Variants in HIGD1C observed in about 807,000 individuals in gnomAD.
HIGD1C encodes HIG1 domain family member 1C.
A neutral mutation model predicts 13.1 loss-of-function variants in HIGD1C; 11 were observed. The observed-to-expected ratio is 0.84, with a 90% CI of 0.53 to 1.39. HIGD1C has a LOEUF of 1.39. Ranked by LOEUF, HIGD1C falls within the 40% of genes most tolerant of loss-of-function variation. HIGD1C has a pLI of 0.00. For synonymous variants in HIGD1C, 36 were observed against 37.7 expected (o/e 0.95, Z 0.17); for missense variants, 110 against 112.0 (o/e 0.98, Z 0.08).
At chr12:50,964,853 C>G (rs1283658916) in intron 2 of HIGD1C, among the ~76,000 whole-genome samples, 3 of 152,214 alleles carry the variant, frequency 2.0e-5, no homozygotes, top group Non-Finnish European at 4.4e-5. Context: ...AATAGGCAAA[C>G]TAAATGGGGA....
chr12:50,941,210 A>G, the HIGD1C span, among the ~76,000 whole-genome samples: 1 of 151,706 alleles, frequency 6.6e-6, no homozygotes, highest in African/African-American at 2.4e-5. Flanking sequence ...CTGGTCGCAA[A>G]CTCCTGGGCT....
chr12:50,947,512 C>G, the HIGD1C span, among the ~76,000 whole-genome samples: 1 of 152,116 alleles, frequency 6.6e-6, no homozygotes, highest in Non-Finnish European at 1.5e-5. Context: ...TACCTTCCAC[C>G]TTCTTGTAAA....
upstream of HIGD1C, among the ~76,000 whole-genome samples, chr12:50,953,641 G>A (rs1191015154): frequency 6.6e-6 from 1 of 152,212 alleles, no homozygotes; most frequent in African/African-American, 2.4e-5. Flanking sequence ...AAGAAAATGT[G>A]TTCTTCAAAT....
chr12:50,941,478 A>G, the HIGD1C span, among the ~76,000 whole-genome samples: 1 of 152,194 alleles, frequency 6.6e-6, no homozygotes, highest in East Asian at 1.9e-4. Flanking sequence ...GCCTAAAAAC[A>G]TGAGAATTAG....
the HIGD1C span, among the ~76,000 whole-genome samples, chr12:50,944,829 A>G: frequency 1.3e-5 from 2 of 152,078 alleles, no homozygotes; most frequent in Admixed American, 1.3e-4. Context: ...AGAGGTTGCA[A>G]TGAGTCGAGA....
chr12:50,951,646 C>T (rs966566795), upstream of HIGD1C, among the ~76,000 whole-genome samples: 1 of 152,034 alleles, frequency 6.6e-6, no homozygotes, highest in Non-Finnish European at 1.5e-5. Flanking sequence ...CGGCTGGGCG[C>T]GGTGGCTCAC....
At chr12:50,958,998 C>T (rs1036465158) in intron 1 of HIGD1C, among the ~76,000 whole-genome samples, 13 of 151,956 alleles carry the variant, frequency 8.6e-5, no homozygotes, top group African/African-American at 3.1e-4. Context: ...GCCTGGGTGA[C>T]AGAGCAAGAC....
upstream of HIGD1C, among the ~76,000 whole-genome samples, chr12:50,952,059 ATTTTTTTTT>A (rs141699945): frequency 7.3e-6 from 1 of 136,726 alleles, no homozygotes; most frequent in Admixed American, 7.5e-5. Context: ...TAGACCAGAA[ATTTTTTTTT>A]TTTTTTTTTT....
At chr12:50,933,014 C>T in the HIGD1C span, among the ~76,000 whole-genome samples, 1 of 152,202 alleles carries the variant, frequency 6.6e-6, no homozygotes, top group Non-Finnish European at 1.5e-5. Context: ...TGTCATTACA[C>T]TGAAAGATAA....
chr12:50,955,643 A>T (rs319938), intron 1 of HIGD1C, among the ~76,000 whole-genome samples: 1 of 152,156 alleles, frequency 6.6e-6, no homozygotes, highest in African/African-American at 2.4e-5. Flanking sequence ...CATTATTCAC[A>T]TATCAAGAAA....
At chr12:50,965,303 T>G (rs1308088647) in intron 2 of HIGD1C, among the ~76,000 whole-genome samples, 5 of 150,606 alleles carry the variant, frequency 3.3e-5, no homozygotes, top group African/African-American at 1.2e-4. Context: ...TTTTTTTTTT[T>G]GTAGAGGTGA....
the HIGD1C span, among the ~76,000 whole-genome samples, chr12:50,939,291 G>A: frequency 1.3e-5 from 2 of 152,110 alleles, no homozygotes; most frequent in Admixed American, 6.5e-5. Context: ...GGAATTACAG[G>A]CATCTGCCAC....
chr12:50,934,875 G>A, the HIGD1C span: 1 of 151,824 alleles, frequency 6.6e-6, no homozygotes, highest in Admixed American at 6.6e-5. Context: ...CTGGGACAAT[G>A]AGCCAAATGC....
chr12:50,944,226 C>G, the HIGD1C span, among the ~76,000 whole-genome samples: 1 of 152,178 alleles, frequency 6.6e-6, no homozygotes, highest in African/African-American at 2.4e-5. Flanking sequence ...CTTGATTCCT[C>G]TCTCCCAGGT....
chr12:50,937,618 G>A, the HIGD1C span, among the ~76,000 whole-genome samples: 15 of 152,236 alleles, frequency 9.9e-5, no homozygotes, highest in African/African-American at 2.6e-4. Flanking sequence ...CGGGTCCCTC[G>A]GTGGGTCCCA....
downstream of HIGD1C, chr12:50,970,517 C>G: frequency 6.7e-7 from 1 of 1,493,964 alleles, no homozygotes; most frequent in South Asian, 1.2e-5. Context: ...AGCTTACATG[C>G]TGGAAGCAAG....
chr12:50,959,947 G>GC (rs1301546687), intron 1 of HIGD1C, among the ~76,000 whole-genome samples: 1 of 152,174 alleles, frequency 6.6e-6, no homozygotes, highest in Admixed American at 6.5e-5. Context: ...ACTGCACCTG[G>GC]CCCAGTATCT....
chr12:50,966,811 A>ACTTTAG (rs1003947641), intron 2 of HIGD1C, among the ~76,000 whole-genome samples: 81 of 152,122 alleles, frequency 5.3e-4, no homozygotes, highest in African/African-American at 1.9e-3. Flanking sequence ...CAATGGTTTA[A>ACTTTAG]CATAAGTGAC....
chr12:50,961,596 T>C (rs1939332525), intron 2 of HIGD1C, among the ~76,000 whole-genome samples: 1 of 152,226 alleles, frequency 6.6e-6, no homozygotes, highest in African/African-American at 2.4e-5. Context: ...TATTAGTCCA[T>C]AAATTAAGCA....
Sources: gnomAD v4.1 joint callset for allele counts (sites outside exome capture counted in the v4.1 genomes callset) on GRCh38, gnomAD v4.1.1 for gene constraint, MANE v1.5 for transcripts, NCBI Gene and HGNC (gene_info 2026-07-23, HGNC 2026-07-21) for gene names.